Variants in NSMCE2 observed in about 807,000 individuals in gnomAD.
The protein encoded by NSMCE2 is E3 SUMO-protein ligase NSE2.
In NSMCE2, 24 loss-of-function variants were observed where a neutral mutation model predicts 23.8. The observed-to-expected ratio is 1.01, with a 90% CI of 0.73 to 1.42. The LOEUF (loss-of-function observed/expected upper bound fraction) is 1.42. Among genes scored for constraint, NSMCE2 ranks in the 40% most tolerant of loss-of-function variants. NSMCE2 has a pLI of 0.00. For synonymous variants in NSMCE2, 92 were observed against 94.1 expected (o/e 0.98, Z 0.13); for missense variants, 284 against 296.5 (o/e 0.96, Z 0.31).
chr8:125,320,962 T>C (rs1829427875), intron 5 of NSMCE2, among the ~76,000 whole-genome samples: 1 of 152,010 alleles, frequency 6.6e-6, no homozygotes, highest in African/African-American at 2.4e-5. Context: ...GGAGCAGACA[T>C]ATGGCCAGAG....
At chr8:125,094,027 C>T (rs2130295150) in intron 1 of NSMCE2, among the ~76,000 whole-genome samples, 1 of 150,734 alleles carries the variant, frequency 6.6e-6, no homozygotes, top group Admixed American at 6.6e-5. Context: ...TGGTCTTAAA[C>T]TCCTGGCCTC....
chr8:125,099,307 A>G (rs1443084921), intron 1 of NSMCE2, among the ~76,000 whole-genome samples: 1 of 152,084 alleles, frequency 6.6e-6, no homozygotes, highest in Admixed American at 6.5e-5. Context: ...ATGGCCAGGG[A>G]AGGCCTTACT....
chr8:125,303,637 T>A (rs1176624403), intron 5 of NSMCE2, among the ~76,000 whole-genome samples: 1 of 152,190 alleles, frequency 6.6e-6, no homozygotes, highest in Non-Finnish European at 1.5e-5. Flanking sequence ...CTGTAAGTAC[T>A]GTTAACTATA....
At chr8:125,338,994 A>G (rs997198783) in intron 5 of NSMCE2, among the ~76,000 whole-genome samples, 1 of 152,166 alleles carries the variant, frequency 6.6e-6, no homozygotes, top group African/African-American at 2.4e-5. Context: ...GGAGAGCACA[A>G]AGTGCCTCAT....
At chr8:125,214,005 A>G (rs1824468985) in intron 5 of NSMCE2, among the ~76,000 whole-genome samples, 1 of 152,254 alleles carries the variant, frequency 6.6e-6, no homozygotes, top group Admixed American at 6.5e-5. Flanking sequence ...GCAGGAAATT[A>G]GAAGGTAGAA....
At chr8:125,186,258 C>A (rs772066781) in intron 5 of NSMCE2, among the ~76,000 whole-genome samples, 19 of 152,188 alleles carry the variant, frequency 1.2e-4, no homozygotes, top group Non-Finnish European at 2.1e-4. Context: ...TACTGTCACA[C>A]TGTCATGGCA....
chr8:125,266,267 T>C (rs1826914863), intron 5 of NSMCE2, among the ~76,000 whole-genome samples: 1 of 152,166 alleles, frequency 6.6e-6, no homozygotes, highest in Admixed American at 6.5e-5. Flanking sequence ...AATTTTGTGT[T>C]TTTAGTAGAG....
intron 5 of NSMCE2, among the ~76,000 whole-genome samples, chr8:125,275,593 C>T (rs1827418835): frequency 6.6e-6 from 1 of 152,174 alleles, no homozygotes; most frequent in African/African-American, 2.4e-5. Context: ...AATCACCCTC[C>T]CAACTCTCCC....
chr8:125,101,184 G>A (rs1428589240), intron 1 of NSMCE2, among the ~76,000 whole-genome samples: 2 of 152,040 alleles, frequency 1.3e-5, no homozygotes, highest in East Asian at 3.9e-4. Context: ...TGATTGACAT[G>A]GTAGGTACTC....
chr8:125,262,128 T>A (rs201466046), intron 5 of NSMCE2, among the ~76,000 whole-genome samples: 2 of 97,244 alleles, frequency 2.1e-5, no homozygotes, highest in Non-Finnish European at 5.1e-5. Context: ...AAATAAAATA[T>A]AAAATAAATT....
At chr8:125,347,329 T>TGGG (rs1391632643) in intron 5 of NSMCE2, among the ~76,000 whole-genome samples, 1 of 152,132 alleles carries the variant, frequency 6.6e-6, no homozygotes, top group African/African-American at 2.4e-5. Context: ...CCTTCCCTCT[T>TGGG]CTTATCACAC....
rs544475885 is a variant in NSMCE2 at position 125,233,242 on chromosome 8, G to A, written c.418+50986G>A. Among the ~76,000 whole-genome samples, 157 of 152,264 alleles carry A rather than the reference G, an allele frequency of 1.0e-3. 1 individual carries two copies. Among genetic ancestry groups the A allele is most frequent in the South Asian group, 3.5e-3 (17 of 4,826 alleles). On this transcript the variant is annotated intron_variant, in intron 5 of 7. Transcript: ENST00000287437. ...CTGCTTTAAGCTACATTCTGGGATC[G>A]TAACATGTAATTTAGAAGTCAAAAT...
At chr8:125,199,582 T>G (rs1823774912) in intron 5 of NSMCE2, among the ~76,000 whole-genome samples, 1 of 152,168 alleles carries the variant, frequency 6.6e-6, no homozygotes, top group South Asian at 2.1e-4. Flanking sequence ...TTCTGAGGAG[T>G]GCTTTGCTTC....
At chr8:125,252,864 A>G (rs555640757) in intron 5 of NSMCE2, among the ~76,000 whole-genome samples, 140 of 152,374 alleles carry the variant, frequency 9.2e-4, no homozygotes, top group Non-Finnish European at 1.7e-3. Context: ...CAAGCTCCGG[A>G]AAGAGCCAAG....
intron 5 of NSMCE2, among the ~76,000 whole-genome samples, chr8:125,347,464 A>G (rs1195485768): frequency 6.6e-6 from 1 of 152,246 alleles, no homozygotes; most frequent in Non-Finnish European, 1.5e-5. Flanking sequence ...CACACAGGAT[A>G]TAAATATTCA....
chr8:125,191,719 G>A (rs985987475), intron 5 of NSMCE2, among the ~76,000 whole-genome samples: 28 of 152,160 alleles, frequency 1.8e-4, no homozygotes, highest in Non-Finnish European at 2.9e-4. Flanking sequence ...GATATTTATG[G>A]CATCCCAAGT....
intron 5 of NSMCE2, among the ~76,000 whole-genome samples, chr8:125,340,613 A>G (rs1830214786): frequency 1.3e-5 from 2 of 152,138 alleles, no homozygotes; most frequent in African/African-American, 4.8e-5. Flanking sequence ...GTCATTAGCT[A>G]TTTTACTATT....
At chr8:125,340,043 C>G (rs1458267121) in intron 5 of NSMCE2, among the ~76,000 whole-genome samples, 1 of 110,468 alleles carries the variant, frequency 9.1e-6, no homozygotes, top group South Asian at 3.3e-4. Context: ...GAGACGGAGT[C>G]TCGCTCTGTG....
intron 5 of NSMCE2, among the ~76,000 whole-genome samples, chr8:125,269,908 A>G (rs1827104639): frequency 6.6e-6 from 1 of 152,240 alleles, no homozygotes; most frequent in South Asian, 2.1e-4. Context: ...TCATTCAGTC[A>G]GTCATCCATT....
Sources: allele counts gnomAD v4.1 joint callset (sites outside exome capture counted in the v4.1 genomes callset), GRCh38; gene constraint gnomAD v4.1.1; transcripts MANE v1.5; gene names NCBI Gene and HGNC (gene_info 2026-07-23, HGNC 2026-07-21).